Variants in FAM135B observed in about 807,000 individuals in gnomAD.
The protein encoded by FAM135B is family with sequence similarity 135 member B.
FAM135B carries 43 observed loss-of-function variants against 127.7 expected under a neutral mutation model. The ratio of observed to expected loss-of-function variants is 0.34; its 90% CI spans 0.26 to 0.43. FAM135B has a LOEUF of 0.43. FAM135B is among the 20% of genes least tolerant of loss of function. The pLI is 1.00. For synonymous variants in FAM135B, 670 were observed against 665.1 expected (o/e 1.01, Z -0.11); for missense variants, 1,558 against 1,725.6 (o/e 0.90, Z 1.72).
At chr8:138,384,458 G>A (rs1166215328) in intron 1 of FAM135B, among the ~76,000 whole-genome samples, 2 of 152,112 alleles carry the variant, frequency 1.3e-5, no homozygotes, top group African/African-American at 4.8e-5. Flanking sequence ...GCGGATTTGT[G>A]CAGAGAGGAA....
At chr8:138,201,944 G>A (rs554109451) in intron 7 of FAM135B, among the ~76,000 whole-genome samples, 31 of 152,056 alleles carry the variant, frequency 2.0e-4, no homozygotes, top group Non-Finnish European at 3.2e-4. Context: ...TTACCAACAT[G>A]GAGAAACTCC....
intron 7 of FAM135B, among the ~76,000 whole-genome samples, chr8:138,200,954 C>A (rs1031494919): frequency 6.6e-6 from 1 of 152,196 alleles, no homozygotes; most frequent in Non-Finnish European, 1.5e-5. Flanking sequence ...TCTCAGGATT[C>A]AGGGCTGATG....
chr8:138,182,353 C>T (rs1815129438), intron 9 of FAM135B, among the ~76,000 whole-genome samples: 1 of 152,160 alleles, frequency 6.6e-6, no homozygotes, highest in Admixed American at 6.5e-5. Context: ...CGAGGAGGCC[C>T]TTTACACTAA....
chr8:138,387,458 T>C (rs1448931668), intron 1 of FAM135B, among the ~76,000 whole-genome samples: 4 of 152,150 alleles, frequency 2.6e-5, no homozygotes, highest in Admixed American at 6.5e-5. Flanking sequence ...CCACCCCACC[T>C]TCCTCTCTTT....
At chr8:138,399,612 A>G (rs928944945) in intron 1 of FAM135B, among the ~76,000 whole-genome samples, 24 of 152,306 alleles carry the variant, frequency 1.6e-4, no homozygotes, top group Non-Finnish European at 1.8e-4. Flanking sequence ...TTCCCTTGGG[A>G]AAAAAGGCTA....
intron 7 of FAM135B, among the ~76,000 whole-genome samples, chr8:138,232,226 T>C (rs898480616): frequency 3.3e-5 from 5 of 150,380 alleles, no homozygotes; most frequent in African/African-American, 1.2e-4. Context: ...CCATGAGCCA[T>C]GCTGGGCACC....
intron 7 of FAM135B, among the ~76,000 whole-genome samples, chr8:138,206,240 T>G (rs1289706461): frequency 2.3e-4 from 20 of 87,558 alleles, no homozygotes; most frequent in South Asian, 7.4e-4. Context: ...CACAGCTCTC[T>G]CATCCCCTCC....
chr8:138,394,573 GTTATT>G (rs1194692916), intron 1 of FAM135B, among the ~76,000 whole-genome samples: 3 of 152,164 alleles, frequency 2.0e-5, no homozygotes, highest in African/African-American at 7.2e-5. Flanking sequence ...CTTTAGACCA[GTTATT>G]CTACCTGTGG....
At chr8:138,197,179 A>G (rs1172940277) in intron 8 of FAM135B, among the ~76,000 whole-genome samples, 1 of 152,112 alleles carries the variant, frequency 6.6e-6, no homozygotes, top group African/African-American at 2.4e-5. Context: ...CCATAATTAC[A>G]GCTTAATTAA....
rs144419783 is a variant in FAM135B, at chr8:138,302,729, G to A, written c.157+8112C>T. Among the ~76,000 whole-genome samples, 247 of 152,272 alleles carry A rather than the reference G, an allele frequency of 1.6e-3. 1 individual carries two copies. The highest frequency in any genetic ancestry group is 5.6e-3 in the African/African-American group (232 of 41,556). ...GCCTCCCCCCTCCCAAGCCCACATCGCTCACGTTGTAATTGCCACACAATC... is the reference window on the plus strand; with the variant it reads ...GCCTCCCCCCTCCCAAGCCCACATCACTCACGTTGTAATTGCCACACAATC... On this transcript the variant is annotated intron_variant, in intron 3 of 19. Transcript: ENST00000395297.
intron 2 of FAM135B, among the ~76,000 whole-genome samples, chr8:138,352,572 T>C (rs1284527469): frequency 6.6e-6 from 1 of 152,150 alleles, no homozygotes; most frequent in Non-Finnish European, 1.5e-5. Flanking sequence ...TCCCTGACCC[T>C]CTGTCTCTAA....
intron 2 of FAM135B, among the ~76,000 whole-genome samples, chr8:138,315,952 C>T (rs562890622): frequency 1.3e-5 from 2 of 151,956 alleles, no homozygotes; most frequent in African/African-American, 2.4e-5. Flanking sequence ...AATGTACAGC[C>T]GGAGGATTAT....
At chr8:138,360,829 AC>A (rs1008774111) in intron 2 of FAM135B, among the ~76,000 whole-genome samples, 1 of 152,052 alleles carries the variant, frequency 6.6e-6, no homozygotes, top group Non-Finnish European at 1.5e-5. Context: ...AACCAGAGTC[AC>A]CCAGGGAACA....
At chr8:138,276,101 A>G (rs1823801529) in intron 3 of FAM135B, among the ~76,000 whole-genome samples, 1 of 152,136 alleles carries the variant, frequency 6.6e-6, no homozygotes, top group Non-Finnish European at 1.5e-5. Flanking sequence ...CAGAATGCAC[A>G]ACATGGGGCT....
intron 9 of FAM135B, 77 bp from the exon 10 acceptor site, chr8:138,178,767 A>G (rs1206343900): frequency 2.2e-6 from 3 of 1,364,642 alleles, no homozygotes; most frequent in African/African-American, 1.5e-5. Flanking sequence ...TGAAGTCTTT[A>G]CTGACTTTTC....
chr8:138,400,129 TG>T (rs1255440355), intron 1 of FAM135B, among the ~76,000 whole-genome samples: 1 of 152,202 alleles, frequency 6.6e-6, no homozygotes, highest in Non-Finnish European at 1.5e-5. Context: ...GCTCGGGCTT[TG>T]GGTGTGCTGG....
rs567343945 is a variant in FAM135B at position 138,337,914 on chromosome 8, T to C, written c.78-26994A>G. On this transcript the variant is annotated intron_variant, in intron 2 of 19. Coordinates refer to ENST00000395297, the MANE Select transcript of FAM135B (RefSeq NM_015912.4). The stretch of plus-strand genomic sequence containing the variant: ...TGGTACTGGTACCAAAACAGAGATA[T>C]AGACCAATGGAACAGAAGAGAGCCC... 8.8e-3 allele frequency among the ~76,000 whole-genome samples: 1,337 copies of C among 152,218 alleles called. 24 individuals carry two copies. The highest frequency in any genetic ancestry group is 0.031 in the African/African-American group (1,282 of 41,530).
chr8:138,425,812 TC>T (rs1408996044), intron 1 of FAM135B, among the ~76,000 whole-genome samples: 1 of 151,602 alleles, frequency 6.6e-6, no homozygotes, highest in Non-Finnish European at 1.5e-5. Flanking sequence ...AGAATGAGGC[TC>T]GGTTTACACC....
At chr8:138,268,783 T>G (rs1823146914) in intron 3 of FAM135B, among the ~76,000 whole-genome samples, 1 of 152,198 alleles carries the variant, frequency 6.6e-6, no homozygotes, top group South Asian at 2.1e-4. Context: ...AATAGCCACT[T>G]TTCATTTTAG....
Sources: gnomAD v4.1 joint callset for allele counts (sites outside exome capture counted in the v4.1 genomes callset) on GRCh38, gnomAD v4.1.1 for gene constraint, MANE v1.5 for transcripts, NCBI Gene and HGNC (gene_info 2026-07-23, HGNC 2026-07-21) for gene names.